Variants in ST6GALNAC3 observed in about 807,000 individuals in gnomAD.
ST6GALNAC3 encodes ST6 N-acetylgalactosaminide alpha-2,6-sialyltransferase 3, also known as alpha-N-acetylgalactosaminide alpha-2,6-sialyltransferase 3.
ST6GALNAC3 carries 25 observed loss-of-function variants against 32.7 expected under a neutral mutation model. That is an observed-to-expected ratio of 0.76 (90% confidence interval 0.56 to 1.07). The LOEUF (loss-of-function observed/expected upper bound fraction) is 1.07. ST6GALNAC3 is among the 50% of genes least tolerant of loss of function. The probability of loss-of-function intolerance (pLI) is 0.00; values close to 1 mark genes in which losing one functional copy is unlikely to be tolerated. For synonymous variants in ST6GALNAC3, 129 were observed against 133.1 expected, an observed-to-expected ratio of 0.97 and a Z score of 0.21; for missense variants, 355 against 382.4, an observed-to-expected ratio of 0.93 and a Z score of 0.60.
chr1:76,078,049 T>C (rs1483575690), intron 1 of ST6GALNAC3, among the ~76,000 whole-genome samples: 1 of 152,168 alleles, frequency 6.6e-6, no homozygotes, highest in East Asian at 1.9e-4. Flanking sequence ...ACCCCTGTCA[T>C]TGGGTAGTTC....
chr1:76,349,737 CTTCT>C (rs1339425486), intron 2 of ST6GALNAC3, among the ~76,000 whole-genome samples: 1 of 152,158 alleles, frequency 6.6e-6, no homozygotes, highest in East Asian at 1.9e-4. Flanking sequence ...TTATCTCATG[CTTCT>C]TTCTATCTGC....
At chr1:76,333,071 C>T (rs1277799950) in intron 2 of ST6GALNAC3, among the ~76,000 whole-genome samples, 3 of 152,126 alleles carry the variant, frequency 2.0e-5, no homozygotes, top group African/African-American at 7.2e-5. Flanking sequence ...CCCTGCCTGC[C>T]ATTAGTGGTG....
At chr1:76,306,326 C>G (rs1176324478) in intron 1 of ST6GALNAC3, among the ~76,000 whole-genome samples, 2 of 151,996 alleles carry the variant, frequency 1.3e-5, no homozygotes, top group African/African-American at 4.8e-5. Flanking sequence ...AGGAACCAAC[C>G]TGATGGAATG....
chr1:76,343,147 C>A (rs1265774476), intron 2 of ST6GALNAC3, among the ~76,000 whole-genome samples: 3 of 152,092 alleles, frequency 2.0e-5, no homozygotes, highest in African/African-American at 7.2e-5. Flanking sequence ...ACTTATTTGC[C>A]TAGTCCAATG....
chr1:76,147,064 CTTT>C (rs35731973), intron 1 of ST6GALNAC3, among the ~76,000 whole-genome samples: 3 of 136,370 alleles, frequency 2.2e-5, no homozygotes, highest in Admixed American at 7.4e-5. Flanking sequence ...CCCCCCACTT[CTTT>C]TTTTTTTTTT....
intron 1 of ST6GALNAC3, among the ~76,000 whole-genome samples, chr1:76,230,643 T>C (rs1656316194): frequency 6.6e-6 from 1 of 152,212 alleles, no homozygotes; most frequent in South Asian, 2.1e-4. Flanking sequence ...AATATACCTA[T>C]ATATGTATGT....
chr1:76,095,504 C>G (rs1647114956), intron 1 of ST6GALNAC3, among the ~76,000 whole-genome samples: 1 of 152,096 alleles, frequency 6.6e-6, no homozygotes, highest in South Asian at 2.1e-4. Context: ...ACTGTTTTCT[C>G]CAGGCAGTGG....
chr1:76,113,999 T>G (rs1218504060), intron 1 of ST6GALNAC3, among the ~76,000 whole-genome samples: 1 of 150,148 alleles, frequency 6.7e-6, no homozygotes, highest in Non-Finnish European at 1.5e-5. Context: ...TAATTTTTTT[T>G]TTTTTTTTTT....
chr1:76,314,296 C>T (rs1355601650), intron 2 of ST6GALNAC3, among the ~76,000 whole-genome samples: 1 of 152,098 alleles, frequency 6.6e-6, no homozygotes, highest in Non-Finnish European at 1.5e-5. Flanking sequence ...CATTTAGAAG[C>T]TCTGATTAGC....
At chr1:76,113,793 G>A (rs1648261076) in intron 1 of ST6GALNAC3, among the ~76,000 whole-genome samples, 1 of 151,516 alleles carries the variant, frequency 6.6e-6, no homozygotes. Flanking sequence ...TAACTCCTTT[G>A]TTTGTGGAAG....
intron 3 of ST6GALNAC3, among the ~76,000 whole-genome samples, chr1:76,480,375 C>A (rs1275438041): frequency 6.6e-6 from 1 of 152,104 alleles, no homozygotes; most frequent in African/African-American, 2.4e-5. Flanking sequence ...TGGACATAAA[C>A]CTTATACGTG....
chr1:76,224,998 G>A (rs2100616902), intron 1 of ST6GALNAC3, among the ~76,000 whole-genome samples: 1 of 152,180 alleles, frequency 6.6e-6, no homozygotes, highest in South Asian at 2.1e-4. Context: ...CTAGGCAGAT[G>A]GATGCTTCCT....
chr1:76,244,274 T>G (rs1657133646), intron 1 of ST6GALNAC3, among the ~76,000 whole-genome samples: 1 of 152,190 alleles, frequency 6.6e-6, no homozygotes, highest in Non-Finnish European at 1.5e-5. Flanking sequence ...ATAGGAATGC[T>G]CGTGATTTTT....
intron 1 of ST6GALNAC3, among the ~76,000 whole-genome samples, chr1:76,110,157 C>T (rs763125199): frequency 6.6e-6 from 1 of 152,188 alleles, no homozygotes; most frequent in Non-Finnish European, 1.5e-5. Flanking sequence ...TTCAGCCCTC[C>T]ACATATGCGG....
At chr1:76,177,171 A>G (rs1179238093) in intron 1 of ST6GALNAC3, among the ~76,000 whole-genome samples, 1 of 152,198 alleles carries the variant, frequency 6.6e-6, no homozygotes, top group Non-Finnish European at 1.5e-5. Context: ...TAAATTGGAA[A>G]CAAAAGTCTT....
At chr1:76,138,736 C>CTTT (rs1650106918) in intron 1 of ST6GALNAC3, among the ~76,000 whole-genome samples, 1 of 152,122 alleles carries the variant, frequency 6.6e-6, no homozygotes, top group Non-Finnish European at 1.5e-5. Context: ...AGTAGAGTGC[C>CTTT]TTTTTACATT....
chr1:76,256,887 A>C (rs904920762), intron 1 of ST6GALNAC3, among the ~76,000 whole-genome samples: 21 of 152,156 alleles, frequency 1.4e-4, no homozygotes, highest in Admixed American at 1.1e-3. Context: ...CATTCTCAGT[A>C]CTTTGGATAC....
chr1:76,381,110 T>C (rs1048396812), intron 2 of ST6GALNAC3, among the ~76,000 whole-genome samples: 9 of 149,672 alleles, frequency 6.0e-5, no homozygotes, highest in African/African-American at 1.2e-4. Flanking sequence ...AACAGGCAGC[T>C]TGGGATTCAT....
At chr1:76,260,735 G>C (rs557139786) in intron 1 of ST6GALNAC3, among the ~76,000 whole-genome samples, 2 of 152,020 alleles carry the variant, frequency 1.3e-5, no homozygotes, top group Non-Finnish European at 2.9e-5. Flanking sequence ...AACAGGACAG[G>C]CCTAAAAAAT....
Sources: allele counts gnomAD v4.1 joint callset (sites outside exome capture counted in the v4.1 genomes callset), GRCh38; gene constraint gnomAD v4.1.1; transcripts MANE v1.5; gene names NCBI Gene and HGNC (gene_info 2026-07-23, HGNC 2026-07-21).